The following AGBL4 variants were observed in gnomAD, a reference collection of about 807,000 sequenced individuals.
AGBL4 encodes AGBL carboxypeptidase 4.
In AGBL4, 58 loss-of-function variants were observed where a neutral mutation model predicts 66.4. That is an observed-to-expected ratio of 0.87 (90% CI 0.71 to 1.09). The LOEUF is 1.09. Among genes scored for constraint, AGBL4 ranks in the 50% least tolerant of loss-of-function variants. The pLI is 0.00. For synonymous variants in AGBL4, 234 were observed against 222.9 expected, an observed-to-expected ratio of 1.05 and a Z score of -0.44; for missense variants, 579 against 631.0, an observed-to-expected ratio of 0.92 and a Z score of 0.88.
intron 2 of AGBL4, among the ~76,000 whole-genome samples, chr1:49,741,623 C>G (rs1388255193): frequency 6.6e-6 from 1 of 152,146 alleles, no homozygotes; most frequent in Non-Finnish European, 1.5e-5. Flanking sequence ...ACCAATATCC[C>G]TGATGAACAT....
At position 49,860,184 on chromosome 1, in the gene AGBL4, C is replaced by G. The variant is rs184093593; in HGVS notation, c.35-8666G>C. Reference sequence around the variant, plus strand: ...ATACAATCCCAACTGAATACTCAACCAACTGGTTCTAAAATGTATATGGAA... The same window carrying G: ...ATACAATCCCAACTGAATACTCAACGAACTGGTTCTAAAATGTATATGGAA... On this transcript the variant is annotated intron_variant, in intron 1 of 13. Coordinates refer to ENST00000371839, the MANE Select transcript of AGBL4 (RefSeq NM_032785.4). Among the ~76,000 whole-genome samples, 152 of 152,096 alleles carry G rather than the reference C, an allele frequency of 1.0e-3. 1 individual carries two copies. Among genetic ancestry groups the G allele is most frequent in the Non-Finnish European group, 1.7e-3 (113 of 67,990 alleles).
intron 2 of AGBL4, among the ~76,000 whole-genome samples, chr1:49,812,371 G>A (rs1227890206): frequency 6.6e-6 from 1 of 152,110 alleles, no homozygotes; most frequent in Admixed American, 6.6e-5. Flanking sequence ...ACATTCTAGG[G>A]CTGTTAAGAA....
intron 3 of AGBL4, among the ~76,000 whole-genome samples, chr1:49,467,957 C>A (rs953728802): frequency 6.6e-6 from 1 of 151,746 alleles, no homozygotes; most frequent in Non-Finnish European, 1.5e-5. Context: ...CCCTGATATG[C>A]AAGTGCAATT....
intron 2 of AGBL4, among the ~76,000 whole-genome samples, chr1:49,824,494 A>G (rs956002587): frequency 7.2e-5 from 11 of 152,234 alleles, no homozygotes; most frequent in African/African-American, 2.7e-4. Flanking sequence ...CAAAGAAATG[A>G]TTGATAATGA....
At chr1:48,955,279 A>T (rs1557497927) in intron 5 of AGBL4, among the ~76,000 whole-genome samples, 1 of 152,172 alleles carries the variant, frequency 6.6e-6, no homozygotes, top group East Asian at 1.9e-4. Context: ...AATATTTTTG[A>T]TAAGTGGTCA....
chr1:49,903,516 A>T (rs1190364356), intron 1 of AGBL4, among the ~76,000 whole-genome samples: 1 of 152,110 alleles, frequency 6.6e-6, no homozygotes, highest in Non-Finnish European at 1.5e-5. Context: ...TTATTATAAA[A>T]AATAATAATA....
intron 2 of AGBL4, among the ~76,000 whole-genome samples, chr1:49,782,944 T>A (rs1644370705): frequency 1.3e-5 from 2 of 152,204 alleles, no homozygotes; most frequent in East Asian, 1.9e-4. Flanking sequence ...GATATTCTGT[T>A]ATATAATAGC....
At chr1:48,796,870 A>G (rs11205542) in intron 6 of AGBL4, among the ~76,000 whole-genome samples, 81,400 of 151,952 alleles carry the variant, frequency 0.54, 23,199 homozygotes, top group Non-Finnish European at 0.65. Context: ...CATGTGATAA[A>G]TATAGCATCT....
intron 5 of AGBL4, among the ~76,000 whole-genome samples, chr1:48,997,202 T>C (rs962294918): frequency 6.6e-6 from 1 of 152,096 alleles, no homozygotes; most frequent in African/African-American, 2.4e-5. Flanking sequence ...GGATTACAGG[T>C]GTGAGCCACT....
At chr1:49,688,105 A>C (rs1309764208) in intron 3 of AGBL4, among the ~76,000 whole-genome samples, 4 of 152,176 alleles carry the variant, frequency 2.6e-5, no homozygotes, top group African/African-American at 9.7e-5. Context: ...TTAAATGTAC[A>C]ATTAAATTAT....
At chr1:48,802,615 A>G (rs796124890) in intron 6 of AGBL4, among the ~76,000 whole-genome samples, 7 of 152,284 alleles carry the variant, frequency 4.6e-5, no homozygotes, top group African/African-American at 1.2e-4. Context: ...GGGGCTTCAC[A>G]TGCATAATGT....
intron 3 of AGBL4, among the ~76,000 whole-genome samples, chr1:49,351,599 T>C (rs571355040): frequency 6.6e-6 from 1 of 152,292 alleles, no homozygotes; most frequent in African/African-American, 2.4e-5. Flanking sequence ...TCCCATTCCC[T>C]ATCTTTATTT....
chr1:48,675,336 G>A (rs1258572621), intron 6 of AGBL4, among the ~76,000 whole-genome samples: 1 of 152,212 alleles, frequency 6.6e-6, no homozygotes, highest in Non-Finnish European at 1.5e-5. Context: ...TCTGGGATGA[G>A]AAGAACTAGC....
chr1:49,284,878 C>G (rs1329692430), intron 3 of AGBL4, among the ~76,000 whole-genome samples: 3 of 150,446 alleles, frequency 2.0e-5, no homozygotes, highest in African/African-American at 7.4e-5. Flanking sequence ...TAAAGCAAGT[C>G]CTGAGTGACC....
At chr1:49,349,286 C>A (rs954106813) in intron 3 of AGBL4, among the ~76,000 whole-genome samples, 1 of 152,210 alleles carries the variant, frequency 6.6e-6, no homozygotes, top group Non-Finnish European at 1.5e-5. Flanking sequence ...TTGAAATTAT[C>A]TGATTTGCAT....
rs575030779 is a variant in AGBL4, at chr1:49,448,986, T to A, written c.283-203122A>T. Among the ~76,000 whole-genome samples, 16 of 152,060 alleles carry A rather than the reference T, an allele frequency of 1.1e-4. 1 individual carries two copies. The highest frequency in any genetic ancestry group is 7.4e-5 in the Non-Finnish European group (5 of 67,954). On this transcript the variant is annotated intron_variant, in intron 3 of 13. Transcript: ENST00000371839. ...GAAACTGATAACTATTTACAATGAGTTATTAATAAAAGGATAATGTTTATA... is the reference window on the plus strand; with the variant it reads ...GAAACTGATAACTATTTACAATGAGATATTAATAAAAGGATAATGTTTATA...
chr1:49,999,693 C>A (rs552312930), intron 1 of AGBL4, among the ~76,000 whole-genome samples: 1 of 151,936 alleles, frequency 6.6e-6, no homozygotes, highest in Admixed American at 6.6e-5. Context: ...ATCATAAGGC[C>A]AAAACAGCAT....
In AGBL4 at chr1:48,816,224, G is replaced by A. The variant is rs1339163705; in HGVS notation, c.634+50967C>T. ...GTTAAATGCTTATGTCAGATTAGCAGTGGTTAGCTGGGGAGAAGGTTGTAT... is the reference window on the plus strand; with the variant it reads ...GTTAAATGCTTATGTCAGATTAGCAATGGTTAGCTGGGGAGAAGGTTGTAT... On this transcript the variant is annotated intron_variant, in intron 6 of 13. Transcript: ENST00000371839. Among the ~76,000 whole-genome samples, 6 of 152,298 alleles carry A rather than the reference G, an allele frequency of 3.9e-5. No individual in the cohort carries two copies. The East Asian group carries it at 1.2e-3, about 29-fold the overall frequency.
At chr1:48,694,346 T>A (rs1212733894) in intron 6 of AGBL4, among the ~76,000 whole-genome samples, 1 of 152,232 alleles carries the variant, frequency 6.6e-6, no homozygotes, top group Admixed American at 6.5e-5. Context: ...TGGATTTAGA[T>A]GCCAAGTTCA....
Sources: gnomAD v4.1 joint callset for allele counts (sites outside exome capture counted in the v4.1 genomes callset) on GRCh38, gnomAD v4.1.1 for gene constraint, MANE v1.5 for transcripts, NCBI Gene and HGNC (gene_info 2026-07-23, HGNC 2026-07-21) for gene names.